The following IPO8 variants were observed in gnomAD, a reference collection of about 807,000 sequenced individuals.
IPO8 encodes the protein importin-8.
In IPO8, 65 loss-of-function variants were observed where a neutral mutation model predicts 141.2. The ratio of observed to expected loss-of-function variants is 0.46; its 90% confidence interval spans 0.38 to 0.57. The LOEUF is 0.57. IPO8 is among the 20% of genes least tolerant of loss of function. The probability of loss-of-function intolerance (pLI) is 0.00; values close to 1 mark genes in which losing one functional copy is unlikely to be tolerated. For missense variants in IPO8, 980 were observed against 1,246.8 expected (o/e 0.79, Z 3.22); for synonymous variants, 411 against 420.3 (o/e 0.98, Z 0.27).
At chr12:30,642,056 C>T (rs750485378) in intron 20 of IPO8, among the ~76,000 whole-genome samples, 6 of 151,808 alleles carry the variant, frequency 4.0e-5, no homozygotes, top group African/African-American at 7.3e-5. Context: ...ATTAGCCGGG[C>T]GTGGTGGCAG....
At chr12:30,665,175 T>C (rs772232205) in intron 13 of IPO8, 45 bp downstream of exon 13, 10 of 1,070,512 alleles carry the variant, frequency 9.3e-6, no homozygotes, top group Admixed American at 2.2e-5. Flanking sequence ...TGAATAATTA[T>C]CTTATGAAGA....
chr12:30,638,136 A>C lies in IPO8; in HGVS notation c.2490-949T>G, dbSNP rs140016769. 2.8e-3 allele frequency among the ~76,000 whole-genome samples: 424 copies of C among 152,296 alleles called. 8 individuals are homozygous for C. Among genetic ancestry groups the C allele is most frequent in the African/African-American group, 9.1e-3 (378 of 41,558 alleles). Reference sequence around the variant, plus strand: ...AGCAGAGCTCGAAAGAATCCAAGGAAGCACAACCCAAGGACTCCCAGTCTA... The same window carrying C: ...AGCAGAGCTCGAAAGAATCCAAGGACGCACAACCCAAGGACTCCCAGTCTA... On this transcript the variant is annotated intron_variant, in intron 21 of 24. Transcript: ENST00000256079.
rs1193337767 is a variant in IPO8 at position 30,676,539 on chromosome 12, T to C, written c.688A>G (p.Met230Val). ...TCGATAATAGTTCGGAAGATCTCCATCCATGTTGTCATGGTTTGGTTATTC... is the reference window on the plus strand; with the variant it reads ...TCGATAATAGTTCGGAAGATCTCCACCCATGTTGTCATGGTTTGGTTATTC... ...LVNNQTMTTWMEIFRTIIDRT... is the reference protein window; with the variant it reads ...LVNNQTMTTWVEIFRTIIDRT... Residue 230 changes from methionine to valine, a missense_variant, in exon 6 of 25, where the codon ATG becomes GTG. Physicochemically the swap from Met to Val is conservative, Grantham distance 21 (BLOSUM62 1). Coordinates refer to ENST00000256079, the MANE Select transcript of IPO8 (RefSeq NM_006390.4). 6.2e-7 allele frequency: 1 copy of C among 1,613,646 alleles called. No individual in the cohort carries two copies. Among genetic ancestry groups the C allele is most frequent in the Non-Finnish European group, 8.5e-7 (1 of 1,179,714 alleles).
intron 1 of IPO8, among the ~76,000 whole-genome samples, chr12:30,692,555 T>C (rs553829271): frequency 6.6e-6 from 1 of 152,358 alleles, no homozygotes; most frequent in East Asian, 1.9e-4. Flanking sequence ...ATATTTTGTA[T>C]CTGTGAAGTT....
chr12:30,662,619 G>A (rs968816920), intron 14 of IPO8, 132 bp from the exon 15 acceptor site: 2 of 709,744 alleles, frequency 2.8e-6, no homozygotes, highest in Non-Finnish European at 5.0e-6. Flanking sequence ...TTGCTCTGTG[G>A]TAAGTTACAA....
chr12:30,660,448 CA>C (rs2136147890), intron 16 of IPO8, among the ~76,000 whole-genome samples: 1 of 152,220 alleles, frequency 6.6e-6, no homozygotes, highest in East Asian at 1.9e-4. Flanking sequence ...ACTACAAACC[CA>C]AATGTACAAC....
At position 30,671,044 on chromosome 12, in the gene IPO8, C is replaced by T. The variant is rs758741281; in HGVS notation, c.962G>A (p.Arg321His). ...QYRQKEYVAP[R>H]VLQQAFNYLN... is the part of the protein sequence containing the mutation. ...ATAGTTGAATGCTTGCTGAAGAACA[C>T]GGGGAGCTACATATTCTTTCTGTCT... is the stretch of plus-strand genomic sequence containing the variant. Residue 321 changes from arginine (R) to histidine (H), a missense_variant, in exon 9 of 25, where the codon CGT becomes CAT. Transcript: ENST00000256079. 9.3e-6 allele frequency: 15 copies of T among 1,609,138 alleles called. No homozygotes were observed. The highest frequency in any genetic ancestry group is 1.7e-5 in the Admixed American group (1 of 60,000).
intron 10 of IPO8, among the ~76,000 whole-genome samples, chr12:30,668,334 T>C (rs549612998): frequency 3.2e-4 from 48 of 152,238 alleles, no homozygotes; most frequent in African/African-American, 1.1e-3. Flanking sequence ...TCTGTACCAG[T>C]AGGTTTAGCT....
intron 19 of IPO8, among the ~76,000 whole-genome samples, chr12:30,651,478 C>G (rs1317294574): frequency 6.6e-6 from 1 of 152,052 alleles, no homozygotes; most frequent in East Asian, 1.9e-4. Flanking sequence ...CCCAGCTCTA[C>G]GGCCAAACGT....
intron 7 of IPO8, 49 bp from the exon 8 acceptor site, chr12:30,674,123 G>T: frequency 1.7e-6 from 2 of 1,157,238 alleles, no homozygotes; most frequent in Non-Finnish European, 2.6e-6. Context: ...TTTACAAACA[G>T]CATGCTTGCT....
chr12:30,663,344 C>A, intron 14 of IPO8, 145 bp downstream of exon 14: 1 of 627,614 alleles, frequency 1.6e-6, no homozygotes, highest in Non-Finnish European at 2.6e-6. Context: ...CTAAAAAGGA[C>A]AAGAATAAAT....
intron 11 of IPO8, 64 bp downstream of exon 11, chr12:30,666,111 A>G (rs2052961362): frequency 3.0e-6 from 3 of 995,548 alleles, no homozygotes; most frequent in Admixed American, 4.7e-5. Flanking sequence ...CTAGGGATAT[A>G]CTAGAGTATC....
rs1232975131 is a variant in IPO8 at position 30,684,286 on chromosome 12, T to C, written c.323+15A>G. 1 of 1,612,040 alleles carries C rather than the reference T, an allele frequency of 6.2e-7. No individual in the cohort carries two copies. Among genetic ancestry groups the C allele is most frequent in the Non-Finnish European group, 8.5e-7 (1 of 1,178,514 alleles). On this transcript the variant is annotated intron_variant, in intron 3 of 24. Transcript: ENST00000256079. ...TCATGCTTTCTAGTAATCACAAATA[T>C]ATAGCACCACATACCTCACTAAATC... is the stretch of plus-strand genomic sequence containing the variant.
chr12:30,648,251 T>A (rs2052675399), intron 20 of IPO8, among the ~76,000 whole-genome samples: 1 of 152,058 alleles, frequency 6.6e-6, no homozygotes, highest in Admixed American at 6.6e-5. Context: ...TTAAAAGAAA[T>A]AAAGTACCAA....
rs2136119873 is a variant in IPO8, at chr12:30,630,560, T to G, written c.*300A>C. ...ATGGCAAAAACCTGAGACGTGCAAG[T>G]CTATCCAATCCTCTAAAACAACCTT... On this transcript the variant is annotated 3_prime_UTR_variant, in exon 25 of 25. Transcript: ENST00000256079. 1 of 328,300 alleles carries G rather than the reference T, an allele frequency of 3.0e-6. No individual in the cohort carries two copies. The highest frequency in any genetic ancestry group is 9.6e-5 in the South Asian group (1 of 10,368). The allele number at this position is 328,300 out of a possible 1,614,324, so 20.3% of individuals were successfully genotyped here.
At chr12:30,631,055 T>C in intron 24 of IPO8, 98 bp from the exon 25 acceptor site, 1 of 770,932 alleles carries the variant, frequency 1.3e-6, no homozygotes, top group Non-Finnish European at 2.1e-6. Flanking sequence ...TTTATATGCT[T>C]AGAACTGTGA....
chr12:30,693,899 C>A (rs937384645), intron 1 of IPO8, among the ~76,000 whole-genome samples: 1 of 152,050 alleles, frequency 6.6e-6, no homozygotes, highest in African/African-American at 2.4e-5. Context: ...CCACCCTGAA[C>A]GTGCCTGCTT....
intron 2 of IPO8, among the ~76,000 whole-genome samples, chr12:30,689,445 G>A (rs552639837): frequency 6.6e-6 from 1 of 152,070 alleles, no homozygotes; most frequent in Admixed American, 6.5e-5. Flanking sequence ...TTACACAGAA[G>A]TCTTGTAAAC....
At position 30,639,577 on chromosome 12, in the gene IPO8, G is replaced by T. The variant is rs2052549130; in HGVS notation, c.2427C>A (p.Asn809Lys). Residue 809 changes from asparagine (N) to lysine (K), a missense_variant, in exon 21 of 25, where the codon AAC becomes AAA. Asn to Lys is a moderately conservative substitution (Grantham distance 94). Coordinates refer to ENST00000256079, the MANE Select transcript of IPO8 (RefSeq NM_006390.4). ...TAAACTGTACAGTGATAGGTCCAGGGTTGTGAGGCAACTGAATTCGTTCTA... is the reference window on the plus strand; with the variant it reads ...TAAACTGTACAGTGATAGGTCCAGGTTTGTGAGGCAACTGAATTCGTTCTA... Reference protein sequence around the residue: ...HTLERIQLPHNPGPITVQFIN... With the variant: ...HTLERIQLPHKPGPITVQFIN... The T allele has an allele frequency of 6.2e-7, 1 of 1,614,032 alleles. No individual in the cohort carries two copies. The highest frequency in any genetic ancestry group is 1.1e-5 in the South Asian group (1 of 91,074).
Sources: allele counts gnomAD v4.1 joint callset (sites outside exome capture counted in the v4.1 genomes callset), GRCh38; gene constraint gnomAD v4.1.1; transcripts MANE v1.5; gene names NCBI Gene and HGNC (gene_info 2026-07-23, HGNC 2026-07-21).